The following TOP6BL variants were observed in gnomAD, a reference collection of about 807,000 sequenced individuals.
The protein encoded by TOP6BL is type 2 DNA topoisomerase 6 subunit B-like.
At chr11:66,760,148 G>C in the TOP6BL span, among the ~76,000 whole-genome samples, 1 of 152,090 alleles carries the variant, frequency 6.6e-6, no homozygotes, top group Non-Finnish European at 1.5e-5. Flanking sequence ...ATCTGTCCTT[G>C]CTTTAAGAAA....
At chr11:66,821,997 T>C in the TOP6BL span, among the ~76,000 whole-genome samples, 2 of 152,182 alleles carry the variant, frequency 1.3e-5, no homozygotes, top group Non-Finnish European at 2.9e-5. Flanking sequence ...TTTGGGTAAA[T>C]AGGGAAATAG....
chr11:66,822,746 A>C, the TOP6BL span: 1 of 1,066,896 alleles, frequency 9.4e-7, no homozygotes, highest in South Asian at 1.4e-5. Context: ...GCTCATGCCT[A>C]TAATCGCAGC....
chr11:66,785,886 A>T, the TOP6BL span, among the ~76,000 whole-genome samples: 2 of 152,192 alleles, frequency 1.3e-5, no homozygotes, highest in African/African-American at 4.8e-5. Context: ...CTAGGCCCAA[A>T]TACTATGCAT....
the TOP6BL span, among the ~76,000 whole-genome samples, chr11:66,785,916 T>C: frequency 6.6e-6 from 1 of 152,232 alleles, no homozygotes; most frequent in Non-Finnish European, 1.5e-5. Context: ...TCTTGTCTAC[T>C]ATTGTGGAAT....
At chr11:66,747,632 A>G in the TOP6BL span, among the ~76,000 whole-genome samples, 1 of 152,174 alleles carries the variant, frequency 6.6e-6, no homozygotes. Context: ...GTCACATGCT[A>G]GAATTTGGCA....
the TOP6BL span, among the ~76,000 whole-genome samples, chr11:66,812,082 A>G: frequency 6.6e-6 from 1 of 152,204 alleles, no homozygotes; most frequent in Non-Finnish European, 1.5e-5. Context: ...AAACTCCACT[A>G]TAGCTATCTT....
chr11:66,799,207 C>CA, the TOP6BL span, among the ~76,000 whole-genome samples: 961 of 41,800 alleles, frequency 0.023, 25 homozygotes, highest in Admixed American at 0.077. Context: ...ACTCTGTCTC[C>CA]AAAAAAAAAA....
the TOP6BL span, chr11:66,822,427 G>C: frequency 1.6e-6 from 1 of 617,820 alleles, no homozygotes; most frequent in African/African-American, 1.9e-5. Flanking sequence ...AATATGTGAG[G>C]ATCTCAGTAA....
the TOP6BL span, chr11:66,815,581 C>T: frequency 6.5e-6 from 1 of 153,612 alleles, no homozygotes; most frequent in Non-Finnish European, 1.4e-5. Flanking sequence ...CTATCTGTGC[C>T]TCTTTTCTTA....
At chr11:66,840,203 AG>A in the TOP6BL span, among the ~76,000 whole-genome samples, 3 of 152,152 alleles carry the variant, frequency 2.0e-5, no homozygotes, top group Non-Finnish European at 4.4e-5. Context: ...CCACTCACTC[AG>A]GAGCCTTTGG....
At chr11:66,772,469 T>C in the TOP6BL span, among the ~76,000 whole-genome samples, 2 of 151,970 alleles carry the variant, frequency 1.3e-5, no homozygotes, top group Non-Finnish European at 2.9e-5. Context: ...AGACCCTATC[T>C]CAAAAAATAA....
chr11:66,843,478 G>A, the TOP6BL span: 26 of 1,464,216 alleles, frequency 1.8e-5, no homozygotes, highest in East Asian at 4.2e-4. Context: ...GGCGGGGATG[G>A]GCTGCGACTG....
the TOP6BL span, among the ~76,000 whole-genome samples, chr11:66,803,778 A>G: frequency 6.6e-6 from 1 of 152,186 alleles, no homozygotes; most frequent in Non-Finnish European, 1.5e-5. Context: ...TGGCAGCAAA[A>G]GCAGGAGCAA....
At chr11:66,832,190 C>T in the TOP6BL span, among the ~76,000 whole-genome samples, 4 of 151,360 alleles carry the variant, frequency 2.6e-5, no homozygotes, top group South Asian at 2.1e-4. Flanking sequence ...CTCCACCCCC[C>T]GGGTTCACAC....
the TOP6BL span, among the ~76,000 whole-genome samples, chr11:66,802,355 A>G: frequency 1.8e-4 from 27 of 152,174 alleles, no homozygotes; most frequent in African/African-American, 5.1e-4. Flanking sequence ...GGGTTTCACC[A>G]TGTTGGCCAG....
At chr11:66,805,784 G>T in the TOP6BL span, among the ~76,000 whole-genome samples, 53 of 152,236 alleles carry the variant, frequency 3.5e-4, no homozygotes, top group African/African-American at 1.2e-3. Context: ...AGTAATGAAA[G>T]TGTTCTAAAA....
At chr11:66,801,472 C>T in the TOP6BL span, among the ~76,000 whole-genome samples, 78,257 of 151,956 alleles carry the variant, frequency 0.51, 22,568 homozygotes, top group African/African-American at 0.79. Context: ...ACATTATTTT[C>T]TGTGCATCAG....
chr11:66,761,619 T>C, the TOP6BL span: 1 of 1,206,966 alleles, frequency 8.3e-7, no homozygotes, highest in Admixed American at 2.2e-5. Flanking sequence ...AGAAAAGTAA[T>C]GTACGCCTGG....
the TOP6BL span, chr11:66,796,099 A>G: frequency 3.5e-6 from 2 of 563,682 alleles, no homozygotes; most frequent in Admixed American, 6.1e-5. Flanking sequence ...CTCTAACCCA[A>G]GAAGTGATGG....
Sources: gnomAD v4.1 joint callset for allele counts (sites outside exome capture counted in the v4.1 genomes callset) on GRCh38, gnomAD v4.1.1 for gene constraint, MANE v1.5 for transcripts, NCBI Gene and HGNC (gene_info 2026-07-23, HGNC 2026-07-21) for gene names.